ASH2L: variants seen among roughly 807,000 people sequenced by gnomAD.
The protein encoded by ASH2L is set1/Ash2 histone methyltransferase complex subunit ASH2.
ASH2L carries 30 observed loss-of-function variants against 81.1 expected under a neutral mutation model. The ratio of observed to expected loss-of-function variants is 0.37; its 90% confidence interval spans 0.28 to 0.50. The LOEUF (loss-of-function observed/expected upper bound fraction) is 0.50, where lower values mean the gene tolerates loss of function less well. Ranked by LOEUF, ASH2L falls within the 20% of genes least tolerant of loss-of-function variation. The probability of loss-of-function intolerance (pLI) is 0.95; values close to 1 mark genes in which losing one functional copy is unlikely to be tolerated. For synonymous variants in ASH2L, 273 were observed against 279.9 expected, an observed-to-expected ratio of 0.98 and a Z score of 0.24; for missense variants, 559 against 792.1, an observed-to-expected ratio of 0.71 and a Z score of 3.53.
At chr8:38,120,231 A>G (rs540281170) in intron 9 of ASH2L, among the ~76,000 whole-genome samples, 6 of 152,344 alleles carry the variant, frequency 3.9e-5, no homozygotes, top group African/African-American at 1.2e-4. Flanking sequence ...TCTTCTGGTG[A>G]TAAGCCTGGG....
At chr8:38,106,013 G>A in intron 1 of ASH2L, 1 of 1,530,980 alleles carries the variant, frequency 6.5e-7, no homozygotes, top group Non-Finnish European at 8.7e-7. Context: ...TTTAACGGGA[G>A]GCCTTCACAT....
intron 10 of ASH2L, chr8:38,122,485 T>TA (rs1193928352): frequency 6.6e-6 from 1 of 152,150 alleles, no homozygotes; most frequent in Non-Finnish European, 1.5e-5. Context: ...ATTTTTTTTT[T>TA]AAGTAATAAA....
chr8:38,132,745 G>T (rs959928385), intron 12 of ASH2L, among the ~76,000 whole-genome samples: 1 of 151,606 alleles, frequency 6.6e-6, no homozygotes, highest in African/African-American at 2.4e-5. Flanking sequence ...ATTGCAGTGA[G>T]CCAAGATCAC....
chr8:38,120,174 T>C (rs1295687962), intron 9 of ASH2L, among the ~76,000 whole-genome samples: 3 of 152,220 alleles, frequency 2.0e-5, no homozygotes, highest in Non-Finnish European at 4.4e-5. Flanking sequence ...CATTTAAGTG[T>C]ACATACATTT....
intron 1 of ASH2L, chr8:38,106,128 ACT>A (rs1491132217): frequency 1.3e-6 from 2 of 1,528,298 alleles, no homozygotes. Context: ...CCCAGGACCA[ACT>A]CTAACCCAGG....
intron 1 of ASH2L, chr8:38,106,071 G>A: frequency 1.3e-6 from 2 of 1,524,106 alleles, no homozygotes; most frequent in African/African-American, 1.4e-5. Context: ...AAGAAGTAAC[G>A]GTCACTCTGA....
At chr8:38,123,346 A>C (rs1047799908) in intron 10 of ASH2L, 2 of 152,282 alleles carry the variant, frequency 1.3e-5, no homozygotes, top group Admixed American at 1.3e-4. Flanking sequence ...AGCCTCCCAA[A>C]GTGCTGGGAT....
intron 7 of ASH2L, among the ~76,000 whole-genome samples, chr8:38,115,397 C>T (rs1810853712): frequency 6.6e-6 from 1 of 152,170 alleles, no homozygotes; most frequent in Admixed American, 6.5e-5. Flanking sequence ...TCTAACATAA[C>T]AGGCAAACGA....
rs142524499 is a variant in ASH2L at position 38,106,956 on chromosome 8, AAAAAT to A, written c.256-56_256-52del. On this transcript the variant is annotated intron_variant, in intron 2 of 15. Coordinates refer to ENST00000343823, the MANE Select transcript of ASH2L (RefSeq NM_004674.5). ...ACATAGGGAGACCCCCGTCTCTTAAAAAAATAAAATAAAGTAAAATACATTCAAGT... is the reference window on the plus strand; with the variant it reads ...ACATAGGGAGACCCCCGTCTCTTAAAAAAATAAAGTAAAATACATTCAAGT... 581 of 1,590,384 alleles carry A rather than the reference AAAAAT, an allele frequency of 3.7e-4. No homozygotes were observed. The African/African-American group carries it at 6.3e-3, about 17-fold the overall frequency.
chr8:38,108,517 TAA>T (rs11285350), intron 3 of ASH2L, among the ~76,000 whole-genome samples: 1 of 145,154 alleles, frequency 6.9e-6, no homozygotes, highest in African/African-American at 2.5e-5. Context: ...GGTATCAAGT[TAA>T]AAAAAAAAAA....
rs1024904199 is a variant in ASH2L at position 38,105,811 on chromosome 8, C to G, written c.188+73C>G. The G allele has an allele frequency of 1.2e-5, 18 of 1,474,890 alleles. No individual in the cohort carries two copies. The African/African-American group carries it at 2.5e-4, about 20-fold the overall frequency. The allele number at this position is 1,474,890 out of a possible 1,614,324, so 91.4% of individuals were successfully genotyped here. The stretch of plus-strand genomic sequence containing the variant: ...CTCGCGAATCCCGCGGCTCCTGGAG[C>G]CCTGCCGCCCGCCCCCTGCGAACCC... On this transcript the variant is annotated intron_variant, in intron 1 of 15. Coordinates refer to ENST00000343823, the MANE Select transcript of ASH2L (RefSeq NM_004674.5).
In ASH2L at chr8:38,105,569, G is replaced by C; in HGVS notation, c.19G>C (p.Gly7Arg). Residue 7 changes from glycine to arginine, a missense_variant, in exon 1 of 16, where the codon GGA becomes CGA. Physicochemically the swap from Gly to Arg is moderately radical, Grantham distance 125. Transcript: ENST00000343823. MAAAGA[G>R]PGQEAGAGPG... The stretch of plus-strand genomic sequence containing the variant: ...GGCCGTGATGGCGGCGGCAGGAGCA[G>C]GACCTGGCCAGGAAGCGGGTGCCGG... 6.3e-7 allele frequency: 1 copy of C among 1,579,446 alleles called. No homozygotes were observed. The highest frequency in any genetic ancestry group is 8.6e-7 in the Non-Finnish European group (1 of 1,161,490).
chr8:38,110,658 C>G (rs1810644440), intron 4 of ASH2L, 81 bp from the exon 5 acceptor site: 1 of 1,272,078 alleles, frequency 7.9e-7, no homozygotes. Flanking sequence ...TTGTTATTTT[C>G]TGGACCACTT....
At chr8:38,116,182 G>A (rs972922959) in intron 7 of ASH2L, among the ~76,000 whole-genome samples, 6 of 152,116 alleles carry the variant, frequency 3.9e-5, no homozygotes, top group Non-Finnish European at 8.8e-5. Context: ...TAGCCAACAT[G>A]GTGAAACCCC....
At position 38,114,074 on chromosome 8, in the gene ASH2L, A is replaced by G. The variant is rs958346236; in HGVS notation, c.586-118A>G. On this transcript the variant is annotated intron_variant, in intron 5 of 15. Transcript: ENST00000343823. ...ACCTTGTATAACACCGTGGGGGGAA[A>G]AACTAACATGGATTTTTCTCTTGAT... The G allele has an allele frequency of 9.4e-6, 6 of 638,316 alleles. No individual in the cohort carries two copies. In the African/African-American group the frequency reaches 9.4e-5, roughly 10 times the overall value. 39.5% of individuals were successfully genotyped at this position (638,316 alleles called of 1,614,324 possible).
intron 13 of ASH2L, among the ~76,000 whole-genome samples, chr8:38,134,528 G>A (rs1307431192): frequency 2.0e-5 from 3 of 152,116 alleles, no homozygotes; most frequent in Non-Finnish European, 2.9e-5. Flanking sequence ...CTCCACTTCC[G>A]GGGTTGCTGG....
chr8:38,126,390 G>A (rs2517392), intron 10 of ASH2L, among the ~76,000 whole-genome samples: 149,238 of 152,204 alleles, frequency 0.98, 73,244 homozygotes, highest in East Asian at 1. Flanking sequence ...CTGGGCCAGA[G>A]AAGGGGATAT....
rs532848680 is a variant in ASH2L at position 38,114,853 on chromosome 8, A to G, written c.682-52A>G. 1.0e-5 allele frequency: 12 copies of G among 1,205,978 alleles called. No homozygotes were observed. In the East Asian group the frequency reaches 1.4e-4, roughly 14 times the overall value. 74.7% of individuals were successfully genotyped at this position (1,205,978 alleles called of 1,614,324 possible). A position where few individuals can be genotyped will look rare whatever the true frequency, so the allele number is the denominator to read the frequency against. The stretch of plus-strand genomic sequence containing the variant: ...GAGTTAGTGGTTGATTATTAATTCC[A>G]TACTTTTAAGTATAAAATGTTCATT... On this transcript the variant is annotated intron_variant, in intron 6 of 15. Transcript: ENST00000343823.
chr8:38,105,919 C>T (rs1810405932), intron 1 of ASH2L, 181 bp downstream of exon 1: 3 of 1,483,294 alleles, frequency 2.0e-6, no homozygotes, highest in Non-Finnish European at 2.7e-6. Context: ...ACGCCCCTTC[C>T]GCACCTTTCA....
Sources: gnomAD v4.1 joint callset for allele counts (sites outside exome capture counted in the v4.1 genomes callset) on GRCh38, gnomAD v4.1.1 for gene constraint, MANE v1.5 for transcripts, NCBI Gene and HGNC (gene_info 2026-07-23, HGNC 2026-07-21) for gene names.